The following PHLDB2 variants were observed in gnomAD, a reference collection of about 807,000 sequenced individuals.
PHLDB2 encodes pleckstrin homology-like domain family B member 2.
In PHLDB2, 71 loss-of-function variants were observed where a neutral mutation model predicts 123.6. The observed-to-expected ratio is 0.57, with a 90% CI of 0.47 to 0.70. The LOEUF (loss-of-function observed/expected upper bound fraction) is 0.70. PHLDB2 is among the 30% of genes least tolerant of loss of function. The pLI is 0.00. For missense variants in PHLDB2, 1,446 were observed against 1,519.5 expected (o/e 0.95, Z 0.80); for synonymous variants, 547 against 541.6 (o/e 1.01, Z -0.14).
intron 1 of PHLDB2, among the ~76,000 whole-genome samples, chr3:111,797,626 T>A (rs371681762): frequency 8.5e-5 from 13 of 152,358 alleles, no homozygotes; most frequent in African/African-American, 3.1e-4. Context: ...GTGGAACTTT[T>A]TCATTGCTTT....
At chr3:111,885,641 C>T (rs2066124452) in intron 2 of PHLDB2, 1 of 705,300 alleles carries the variant, frequency 1.4e-6, no homozygotes, top group Non-Finnish European at 2.5e-6. Context: ...AATTTAGTTG[C>T]TCTGCGGACT....
intron 4 of PHLDB2, 59 bp from the exon 5 acceptor site, chr3:111,920,222 TG>T: frequency 1.3e-6 from 2 of 1,561,202 alleles, no homozygotes; most frequent in Non-Finnish European, 1.7e-6. Flanking sequence ...ATCTCTAGGG[TG>T]GTCAGTTGAG....
chr3:111,930,994 A>G (rs531883340), intron 5 of PHLDB2, among the ~76,000 whole-genome samples: 3 of 152,358 alleles, frequency 2.0e-5, no homozygotes, highest in Non-Finnish European at 2.9e-5. Flanking sequence ...GATTTGAACC[A>G]TAACATCTTT....
chr3:111,758,165 G>T (rs1296067996), intron 1 of PHLDB2, among the ~76,000 whole-genome samples: 1 of 152,022 alleles, frequency 6.6e-6, no homozygotes, highest in Non-Finnish European at 1.5e-5. Flanking sequence ...CTCTGCAGAG[G>T]TTACTGCTGT....
chr3:111,899,808 G>A (rs1048037644), intron 2 of PHLDB2, among the ~76,000 whole-genome samples: 11 of 152,112 alleles, frequency 7.2e-5, no homozygotes, highest in African/African-American at 2.7e-4. Flanking sequence ...TTGATTAATT[G>A]TGGCCCAGGC....
In PHLDB2 at chr3:111,766,917, G is replaced by C. The variant is rs2060092206; in HGVS notation, c.-49+34214G>C. Among the ~76,000 whole-genome samples the C allele has an allele frequency of 1.3e-5, 2 of 151,090 alleles. 1 individual carries two copies. The highest frequency in any genetic ancestry group is 1.3e-4 in the Admixed American group (2 of 15,066). ...GTGGTGGCACGTGCCTGTAATCCCAGCTACTTGGGAGGCTGAGGCAGGAGA... is the reference window on the plus strand; with the variant it reads ...GTGGTGGCACGTGCCTGTAATCCCACCTACTTGGGAGGCTGAGGCAGGAGA... On this transcript the variant is annotated intron_variant, in intron 1 of 17. Transcript: ENST00000393923.
chr3:111,738,270 G>A (rs2059543909), intron 1 of PHLDB2, among the ~76,000 whole-genome samples: 1 of 152,102 alleles, frequency 6.6e-6, no homozygotes, highest in African/African-American at 2.4e-5. Context: ...ATACAGTTGT[G>A]TTGATAAATT....
chr3:111,811,342 T>G (rs2061829200), intron 1 of PHLDB2, among the ~76,000 whole-genome samples: 1 of 152,152 alleles, frequency 6.6e-6, no homozygotes, highest in African/African-American at 2.4e-5. Context: ...TTAAAAAATG[T>G]ATTCTACTGT....
At chr3:111,778,378 G>A (rs2060304737) in intron 1 of PHLDB2, 1 of 152,036 alleles carries the variant, frequency 6.6e-6, no homozygotes, top group Non-Finnish European at 1.5e-5. Context: ...GCCTTCAGAA[G>A]AAACCAACTT....
intron 5 of PHLDB2, among the ~76,000 whole-genome samples, chr3:111,931,613 A>G (rs545512065): frequency 1.8e-4 from 28 of 152,206 alleles, no homozygotes; most frequent in Middle Eastern, 3.4e-3. Context: ...TGAGCTGCCT[A>G]TGCCTTCCCT....
At chr3:111,782,906 T>C (rs2060535642) in intron 1 of PHLDB2, among the ~76,000 whole-genome samples, 3 of 152,162 alleles carry the variant, frequency 2.0e-5, no homozygotes, top group South Asian at 2.1e-4. Context: ...GGATTCTCTA[T>C]ATATACATTT....
intron 1 of PHLDB2, chr3:111,883,826 C>T (rs2066049255): frequency 2.2e-6 from 1 of 446,446 alleles, no homozygotes; most frequent in South Asian, 3.3e-5. Context: ...TTGTTTCGCT[C>T]AAATGTCATT....
chr3:111,799,198 TA>T (rs1346885326), intron 1 of PHLDB2, among the ~76,000 whole-genome samples: 1 of 152,148 alleles, frequency 6.6e-6, no homozygotes, highest in Admixed American at 6.5e-5. Context: ...TTATGGGAAC[TA>T]AAATTCAAGA....
chr3:111,932,929 A>AGG (rs2069226858), intron 6 of PHLDB2, among the ~76,000 whole-genome samples: 1 of 152,274 alleles, frequency 6.6e-6, no homozygotes, highest in Non-Finnish European at 1.5e-5. Flanking sequence ...CCCAAGATGC[A>AGG]GGGCATTACA....
chr3:111,974,174 A>G (rs1321269899), intron 17 of PHLDB2, among the ~76,000 whole-genome samples: 1 of 152,190 alleles, frequency 6.6e-6, no homozygotes, highest in Non-Finnish European at 1.5e-5. Context: ...TCAGCTAGGT[A>G]CCCTGCTAGA....
At chr3:111,733,704 T>A (rs539451695) in intron 1 of PHLDB2, among the ~76,000 whole-genome samples, 1 of 152,332 alleles carries the variant, frequency 6.6e-6, no homozygotes, top group East Asian at 1.9e-4. Flanking sequence ...AAGGAAAACA[T>A]GGAAATTTTC....
At chr3:111,948,075 T>C (rs1156673473) in intron 9 of PHLDB2, among the ~76,000 whole-genome samples, 1 of 152,162 alleles carries the variant, frequency 6.6e-6, no homozygotes, top group African/African-American at 2.4e-5. Context: ...GATTCGGGAG[T>C]TCTGCTTCTC....
intron 14 of PHLDB2, 75 bp downstream of exon 14, chr3:111,966,778 C>T: frequency 8.9e-7 from 1 of 1,124,324 alleles, no homozygotes. Context: ...TCAGACAATA[C>T]TCCTCCTTAA....
At chr3:111,885,701 T>C (rs899913020) in intron 2 of PHLDB2, 8 of 618,008 alleles carry the variant, frequency 1.3e-5, no homozygotes, top group Admixed American at 5.8e-5. Flanking sequence ...TTGGGAATTT[T>C]ATGAAATTTC....
Sources: allele counts gnomAD v4.1 joint callset (sites outside exome capture counted in the v4.1 genomes callset), GRCh38; gene constraint gnomAD v4.1.1; transcripts MANE v1.5; gene names NCBI Gene and HGNC (gene_info 2026-07-23, HGNC 2026-07-21).